Variants in CCR5AS observed in about 807,000 individuals in gnomAD.
CCR5AS encodes CCR5 antisense RNA.
At chr3:46,395,806 G>A (rs1272206205) in intron 1 of CCR5AS, among the ~76,000 whole-genome samples, 2 of 152,172 alleles carry the variant, frequency 1.3e-5, no homozygotes, top group African/African-American at 2.4e-5. Flanking sequence ...GACAGGACCA[G>A]CCTCTGAAGT....
At chr3:46,383,131 G>C (rs1416026367) in intron 2 of CCR5AS, among the ~76,000 whole-genome samples, 1 of 152,200 alleles carries the variant, frequency 6.6e-6, no homozygotes, top group African/African-American at 2.4e-5. Context: ...GAGAAGCACT[G>C]GCCGACCAGA....
At chr3:46,368,933 G>A (rs1216998764) in intron 3 of CCR5AS, among the ~76,000 whole-genome samples, 1 of 152,224 alleles carries the variant, frequency 6.6e-6, no homozygotes, top group Admixed American at 6.5e-5. Context: ...TGTTGGTCCG[G>A]CAGCCTCCGG....
intron 2 of CCR5AS, among the ~76,000 whole-genome samples, chr3:46,389,926 G>A (rs1701895624): frequency 6.6e-6 from 1 of 152,112 alleles, no homozygotes; most frequent in South Asian, 2.1e-4. Flanking sequence ...TAATGCTAGG[G>A]GAAGAAATTT....
At chr3:46,366,312 G>A (rs1254054507) in intron 3 of CCR5AS, among the ~76,000 whole-genome samples, 3 of 152,196 alleles carry the variant, frequency 2.0e-5, no homozygotes, top group African/African-American at 7.2e-5. Flanking sequence ...ACATAATCTC[G>A]TGTTATGTGC....
At chr3:46,403,298 A>G (rs550108960) in intron 1 of CCR5AS, among the ~76,000 whole-genome samples, 1 of 152,292 alleles carries the variant, frequency 6.6e-6, no homozygotes, top group Non-Finnish European at 1.5e-5. Flanking sequence ...TCTAATACCT[A>G]TTTCTCAAGA....
chr3:46,378,866 T>C (rs1701786600), intron 2 of CCR5AS, among the ~76,000 whole-genome samples: 1 of 152,212 alleles, frequency 6.6e-6, no homozygotes, highest in African/African-American at 2.4e-5. Context: ...GAAAATGTTT[T>C]GTGACTAAGC....
intron 1 of CCR5AS, among the ~76,000 whole-genome samples, chr3:46,401,828 A>T (rs1269730918): frequency 6.6e-6 from 1 of 151,022 alleles, no homozygotes; most frequent in Non-Finnish European, 1.5e-5. Flanking sequence ...ACTAGACCAC[A>T]CAGTAGTATT....
chr3:46,393,481 G>GAAAAAAAA (rs1701933422), intron 1 of CCR5AS, among the ~76,000 whole-genome samples: 1 of 119,242 alleles, frequency 8.4e-6, no homozygotes, highest in Non-Finnish European at 1.8e-5. Context: ...GAAAAGAAAA[G>GAAAAAAAA]AAAAGAAAAA....
intron 1 of CCR5AS, among the ~76,000 whole-genome samples, chr3:46,400,378 G>T (rs1701996624): frequency 6.6e-6 from 1 of 152,218 alleles, no homozygotes; most frequent in African/African-American, 2.4e-5. Flanking sequence ...AGAGAGGTCA[G>T]GGTGTTGACA....
At chr3:46,405,750 G>A (rs1278101202) in intron 1 of CCR5AS, among the ~76,000 whole-genome samples, 1 of 152,140 alleles carries the variant, frequency 6.6e-6, no homozygotes. Context: ...TTTCTGCCTT[G>A]TCTGTCGGCA....
At chr3:46,376,206 A>G (rs1377948505) in intron 2 of CCR5AS, 1 of 163,410 alleles carries the variant, frequency 6.1e-6, no homozygotes, top group Non-Finnish European at 1.5e-5. Context: ...TTCTAAAATA[A>G]TTCATTATAT....
chr3:46,378,446 T>C (rs1284429705), intron 2 of CCR5AS, among the ~76,000 whole-genome samples: 2 of 152,188 alleles, frequency 1.3e-5, no homozygotes, highest in Non-Finnish European at 2.9e-5. Flanking sequence ...GGGACTTATT[T>C]TTGTTTCTCT....
chr3:46,368,166 C>T (rs762634794), intron 3 of CCR5AS, among the ~76,000 whole-genome samples: 1 of 152,152 alleles, frequency 6.6e-6, no homozygotes, highest in South Asian at 2.1e-4. Context: ...CATGGGGCAG[C>T]TGTTTAAAGA....
At position 46,372,952 on chromosome 3, in the gene CCR5AS, C is replaced by G. The variant is rs369206494; in HGVS notation, n.392-1535G>C. 6 of 1,610,732 alleles carry G rather than the reference C, an allele frequency of 3.7e-6. No homozygotes were observed. In the African/African-American group the frequency reaches 6.7e-5, roughly 18 times the overall value. ...ATCTATGACATCAATTATTATACAT[C>G]GGAGCCCTGCCAAAAAATCAATGTG... On this transcript the variant is annotated intron_variant and non_coding_transcript_variant, in intron 2 of 3. Transcript: ENST00000451485.
intron 2 of CCR5AS, among the ~76,000 whole-genome samples, chr3:46,376,787 C>T (rs1012835629): frequency 6.6e-6 from 1 of 152,154 alleles, no homozygotes. Context: ...GGAGGGGACC[C>T]GTCTGGGTCA....
At chr3:46,375,191 T>A (rs1393980808) in intron 2 of CCR5AS, 2 of 167,064 alleles carry the variant, frequency 1.2e-5, no homozygotes, top group African/African-American at 4.8e-5. Context: ...GCTTCTGACT[T>A]CATAGATTTC....
intron 2 of CCR5AS, among the ~76,000 whole-genome samples, chr3:46,387,793 A>G (rs1349889769): frequency 2.0e-5 from 3 of 152,194 alleles, no homozygotes; most frequent in Non-Finnish European, 4.4e-5. Flanking sequence ...GAGTCAGCAA[A>G]GGGAGATAGG....
intron 2 of CCR5AS, among the ~76,000 whole-genome samples, chr3:46,377,104 G>C (rs539409955): frequency 6.6e-6 from 1 of 152,202 alleles, no homozygotes; most frequent in Non-Finnish European, 1.5e-5. Flanking sequence ...CAGTGCGGCA[G>C]GGAGGTTTGA....
chr3:46,404,123 T>A (rs1340727803), intron 1 of CCR5AS, among the ~76,000 whole-genome samples: 1 of 152,144 alleles, frequency 6.6e-6, no homozygotes, highest in East Asian at 1.9e-4. Flanking sequence ...AGGGTCAATA[T>A]ATTAAGAAGA....
Sources: gnomAD v4.1 joint callset for allele counts (sites outside exome capture counted in the v4.1 genomes callset) on GRCh38, gnomAD v4.1.1 for gene constraint, MANE v1.5 for transcripts, NCBI Gene and HGNC (gene_info 2026-07-23, HGNC 2026-07-21) for gene names.